PPP1R12A: variants seen among roughly 807,000 people sequenced by gnomAD.
The protein encoded by PPP1R12A is protein phosphatase 1 regulatory subunit 12A, also known as myosin binding subunit.
A neutral mutation model predicts 139.6 loss-of-function variants in PPP1R12A; 19 were observed. The observed-to-expected ratio is 0.14, with a 90% confidence interval of 0.09 to 0.20. PPP1R12A has a LOEUF of 0.20. PPP1R12A is among the 10% of genes least tolerant of loss of function. The pLI is 1.00. For synonymous variants in PPP1R12A, 427 were observed against 420.6 expected, an observed-to-expected ratio of 1.02 and a Z score of -0.19; for missense variants, 925 against 1,211.5, an observed-to-expected ratio of 0.76 and a Z score of 3.51.
At chr12:79,889,996 T>C (rs1417353711) in intron 1 of PPP1R12A, among the ~76,000 whole-genome samples, 1 of 152,160 alleles carries the variant, frequency 6.6e-6, no homozygotes, top group Non-Finnish European at 1.5e-5. Context: ...CATCTTCTAA[T>C]ACCATCACAC....
chr12:79,808,973 C>T (rs1440737943), intron 10 of PPP1R12A, among the ~76,000 whole-genome samples: 1 of 152,004 alleles, frequency 6.6e-6, no homozygotes, highest in Non-Finnish European at 1.5e-5. Context: ...CTATTTAGAA[C>T]CTTGATAATC....
At chr12:79,880,590 T>C (rs1281811368) in intron 1 of PPP1R12A, among the ~76,000 whole-genome samples, 1 of 152,038 alleles carries the variant, frequency 6.6e-6, no homozygotes, top group Non-Finnish European at 1.5e-5. Context: ...TAGGAGAAAG[T>C]AGAAAAAAAC....
chr12:79,887,229 T>C (rs1884188324), intron 1 of PPP1R12A, among the ~76,000 whole-genome samples: 1 of 152,182 alleles, frequency 6.6e-6, no homozygotes, highest in Admixed American at 6.6e-5. Context: ...TGACCTACTG[T>C]GTGTATGTAT....
chr12:79,810,326 G>A (rs1308847291), intron 9 of PPP1R12A, among the ~76,000 whole-genome samples: 1 of 152,044 alleles, frequency 6.6e-6, no homozygotes, highest in East Asian at 1.9e-4. Context: ...ATGCATCTTT[G>A]GAACCAATTT....
chr12:79,931,116 G>A (rs922490042), intron 1 of PPP1R12A, among the ~76,000 whole-genome samples: 2 of 152,146 alleles, frequency 1.3e-5, no homozygotes, highest in Non-Finnish European at 2.9e-5. Context: ...TAAAAAGGAT[G>A]CTGGTAAAGT....
rs116027046 is a variant in PPP1R12A, at chr12:79,914,146, A to G, written c.237+20549T>C. On this transcript the variant is annotated intron_variant, in intron 1 of 24. Transcript: ENST00000450142. ...AAAAGTTTTTTCAACTTTATTTTCT[A>G]ATTTGGTAAATACAGACAGCCAACA... is the stretch of plus-strand genomic sequence containing the variant. 5.2e-3 allele frequency among the ~76,000 whole-genome samples: 796 copies of G among 152,172 alleles called. 8 individuals are homozygous for G. Among genetic ancestry groups the G allele is most frequent in the African/African-American group, 0.017 (713 of 41,570 alleles).
chr12:79,779,732 C>T (rs563481930), intron 23 of PPP1R12A: 2 of 216,602 alleles, frequency 9.2e-6, no homozygotes, highest in African/African-American at 4.5e-5. Context: ...TAGAATATTT[C>T]TTCTGAGAGG....
intron 1 of PPP1R12A, 91 bp downstream of exon 1, chr12:79,934,604 G>C (rs969724601): frequency 8.3e-7 from 1 of 1,202,820 alleles, no homozygotes; most frequent in African/African-American, 1.5e-5. Flanking sequence ...GCCGCCCCCA[G>C]CCTCAAGAGG....
chr12:79,790,910 T>C (rs1332571404), intron 19 of PPP1R12A, among the ~76,000 whole-genome samples: 2 of 152,210 alleles, frequency 1.3e-5, no homozygotes, highest in Non-Finnish European at 2.9e-5. Flanking sequence ...AATTTAAATA[T>C]TAGTGATTTC....
At chr12:79,919,283 G>A (rs111964856) in intron 1 of PPP1R12A, among the ~76,000 whole-genome samples, 5 of 151,918 alleles carry the variant, frequency 3.3e-5, no homozygotes, top group East Asian at 3.9e-4. Flanking sequence ...TCAGCCGGGC[G>A]CGGTGGCTCA....
At chr12:79,797,026 T>C (rs1188882960) in intron 16 of PPP1R12A, 76 bp from the exon 17 acceptor site, 11 of 1,477,224 alleles carry the variant, frequency 7.4e-6, no homozygotes, top group Non-Finnish European at 9.1e-7. Context: ...AAAAATTCAT[T>C]TCAAAGAAAA....
At chr12:79,805,304 T>A (rs541856753) in intron 14 of PPP1R12A, among the ~76,000 whole-genome samples, 60 of 152,160 alleles carry the variant, frequency 3.9e-4, no homozygotes, top group Admixed American at 2.6e-4. Context: ...CATCAAAAAA[T>A]TTTTTTTGAA....
At chr12:79,779,541 T>A in intron 23 of PPP1R12A, 1 of 383,816 alleles carries the variant, frequency 2.6e-6, no homozygotes, top group Non-Finnish European at 5.1e-6. Context: ...AGTACCATGT[T>A]ATTCCAACAT....
intron 23 of PPP1R12A, 46 bp downstream of exon 23, chr12:79,781,768 TA>T: frequency 1.6e-6 from 2 of 1,217,696 alleles, no homozygotes; most frequent in South Asian, 1.6e-5. Context: ...ATTGTTTACC[TA>T]AAACAAGAAA....
At chr12:79,909,451 C>T (rs1047673022) in intron 1 of PPP1R12A, among the ~76,000 whole-genome samples, 2 of 152,024 alleles carry the variant, frequency 1.3e-5, no homozygotes, top group Non-Finnish European at 2.9e-5. Context: ...AAGTTCTGCA[C>T]CCCGGCTGGG....
chr12:79,810,898 A>AT (rs1334509220), intron 9 of PPP1R12A, among the ~76,000 whole-genome samples: 2 of 152,024 alleles, frequency 1.3e-5, no homozygotes, highest in African/African-American at 4.8e-5. Flanking sequence ...TTTTTTTAAC[A>AT]TCACAGCCTT....
At chr12:79,933,553 GGGAAGCTATC>G (rs1350623009) in intron 1 of PPP1R12A, among the ~76,000 whole-genome samples, 1 of 152,184 alleles carries the variant, frequency 6.6e-6, no homozygotes, top group Non-Finnish European at 1.5e-5. Context: ...CATTGTTAAG[GGGAAGCTATC>G]GCTGCAAAGT....
intron 17 of PPP1R12A, 115 bp downstream of exon 17, chr12:79,796,667 C>T (rs967614188): frequency 1.6e-5 from 13 of 812,208 alleles, no homozygotes; most frequent in African/African-American, 1.4e-4. Flanking sequence ...TGTTTAGGTT[C>T]GATGAATCAC....
intron 22 of PPP1R12A, among the ~76,000 whole-genome samples, chr12:79,785,373 A>C (rs1018394048): frequency 2.0e-5 from 3 of 152,236 alleles, no homozygotes; most frequent in Non-Finnish European, 4.4e-5. Context: ...CAATGGTTAA[A>C]AAAAGGATCT....
Sources: allele counts gnomAD v4.1 joint callset (sites outside exome capture counted in the v4.1 genomes callset), GRCh38; gene constraint gnomAD v4.1.1; transcripts MANE v1.5; gene names NCBI Gene and HGNC (gene_info 2026-07-23, HGNC 2026-07-21).